The following HYKK variants were observed in gnomAD, a reference collection of about 807,000 sequenced individuals.
HYKK encodes the protein 5-hydroxy-L-lysine kinase.
In HYKK, 19 loss-of-function variants were observed where a neutral mutation model predicts 29.7. The observed-to-expected ratio is 0.64, with a 90% CI of 0.45 to 0.94. The LOEUF (loss-of-function observed/expected upper bound fraction) is 0.94, where lower values mean the gene tolerates loss of function less well. Among genes scored for constraint, HYKK ranks in the 40% least tolerant of loss-of-function variants. The pLI, the probability that HYKK is intolerant of heterozygous loss-of-function variation, is 0.00. For missense variants in HYKK, 390 were observed against 443.4 expected (o/e 0.88, Z 1.08); for synonymous variants, 152 against 158.1 (o/e 0.96, Z 0.29).
At chr15:78,529,276 A>G (rs974662475) in intron 4 of HYKK, among the ~76,000 whole-genome samples, 2 of 152,180 alleles carry the variant, frequency 1.3e-5, no homozygotes, top group Admixed American at 6.5e-5. Context: ...AGAATATTGT[A>G]TTCACTAATA....
At chr15:78,516,459 C>T (rs1480142620) in intron 3 of HYKK, among the ~76,000 whole-genome samples, 1 of 151,518 alleles carries the variant, frequency 6.6e-6, no homozygotes, top group Non-Finnish European at 1.5e-5. Context: ...AATCCTCCCA[C>T]CTCAGCCTCC....
At chr15:78,531,275 G>A (rs1188745928) in intron 4 of HYKK, among the ~76,000 whole-genome samples, 1 of 152,114 alleles carries the variant, frequency 6.6e-6, no homozygotes, top group Non-Finnish European at 1.5e-5. Flanking sequence ...TTATCATGTG[G>A]TATTTGGTAA....
downstream of HYKK, chr15:78,537,271 A>G: frequency 1.6e-6 from 1 of 638,958 alleles, no homozygotes; most frequent in Non-Finnish European, 2.9e-6. Flanking sequence ...TAATACATAA[A>G]TTAAATATTT....
chr15:78,517,941 A>C (rs149525456), intron 3 of HYKK, among the ~76,000 whole-genome samples: 1 of 152,152 alleles, frequency 6.6e-6, no homozygotes, highest in East Asian at 1.9e-4. Context: ...TCACATTTAC[A>C]CATGGGTCAT....
chr15:78,515,370 G>A (rs2052120568), intron 3 of HYKK, among the ~76,000 whole-genome samples: 1 of 152,026 alleles, frequency 6.6e-6, no homozygotes, highest in Non-Finnish European at 1.5e-5. Flanking sequence ...TCTAACTTGA[G>A]ACCAGGAATT....
chr15:78,516,214 T>C (rs993301320), intron 3 of HYKK, among the ~76,000 whole-genome samples: 1 of 152,010 alleles, frequency 6.6e-6, no homozygotes, highest in East Asian at 1.9e-4. Context: ...TTTTATGTTA[T>C]TTAAAAAAAA....
intron 3 of HYKK, among the ~76,000 whole-genome samples, chr15:78,517,624 T>G (rs1190097651): frequency 1.3e-5 from 2 of 152,102 alleles, no homozygotes; most frequent in Non-Finnish European, 2.9e-5. Flanking sequence ...TTTTGAGCAG[T>G]TTGATTAAGG....
chr15:78,517,959 T>C (rs1301282270), intron 3 of HYKK, among the ~76,000 whole-genome samples: 1 of 152,146 alleles, frequency 6.6e-6, no homozygotes, highest in Non-Finnish European at 1.5e-5. Context: ...CATACACCCA[T>C]CTGCTAATTT....
intron 1 of HYKK, among the ~76,000 whole-genome samples, chr15:78,511,700 C>T (rs567638925): frequency 6.9e-4 from 103 of 149,652 alleles, no homozygotes; most frequent in African/African-American, 2.4e-3. Flanking sequence ...CCAGCCTGGG[C>T]GACAGAGCAA....
At chr15:78,520,568 TC>T (rs2052182565) in intron 3 of HYKK, among the ~76,000 whole-genome samples, 1 of 152,078 alleles carries the variant, frequency 6.6e-6, no homozygotes, top group Non-Finnish European at 1.5e-5. Context: ...AGGTCACAGA[TC>T]AACAGGATCC....
Position 78,513,209 on chromosome 15 carries a change from C to T in HYKK, c.121C>T (p.Pro41Ser). The change falls in exon 2 of 5, where the codon CCT (proline) becomes TCT (serine). Residue 41 changes from proline to serine, a missense_variant. By Grantham distance (74) the Pro-to-Ser change is moderately conservative. Transcript: ENST00000388988. ...GLKVSKVRPL[P>S]SYDDQNFHVY... is the part of the protein sequence containing the mutation. ...GAAAGTTTCCAAGGTCCGGCCACTT[C>T]CTAGCTATGATGACCAAAACTTTCA... The T allele has an allele frequency of 6.2e-7, 1 of 1,614,156 alleles. No individual in the cohort carries two copies. Among genetic ancestry groups the T allele is most frequent in the South Asian group, 1.1e-5 (1 of 91,082 alleles).
chr15:78,528,964 A>G (rs80029878), intron 4 of HYKK, among the ~76,000 whole-genome samples: 3,424 of 152,208 alleles, frequency 0.022, 142 homozygotes, highest in African/African-American at 0.078. Context: ...CCCCAGTCTT[A>G]TTCATCTCAT....
chr15:78,522,006 G>A (rs1297024615), intron 3 of HYKK, among the ~76,000 whole-genome samples: 11 of 149,276 alleles, frequency 7.4e-5, no homozygotes, highest in Non-Finnish European at 1.5e-5. Context: ...TTGTAATGAG[G>A]TGAGATCTCA....
Position 78,513,436 on chromosome 15 carries a change from A to T in HYKK, c.337+11A>T. 6.3e-7 allele frequency: 1 copy of T among 1,588,136 alleles called. No individual in the cohort carries two copies. On this transcript the variant is annotated intron_variant, in intron 2 of 4. Coordinates refer to ENST00000388988, the MANE Select transcript of HYKK (RefSeq NM_001013619.4). ...CTCTCGTGTCTGTAGGTAAGAGATG[A>T]CCAATTCGCCGATCCATTACCTATC...
Position 78,515,024 on chromosome 15 carries a change from A to G in HYKK, c.394A>G (p.Arg132Gly). 1.2e-6 allele frequency: 2 copies of G among 1,603,450 alleles called. No homozygotes were observed. Among genetic ancestry groups the G allele is most frequent in the Non-Finnish European group, 1.7e-6 (2 of 1,174,042 alleles). Residue 132 changes from arginine to glycine, a missense_variant, in exon 3 of 5, where the codon AGA becomes GGA. Arg to Gly is a moderately radical substitution (Grantham distance 125). Coordinates refer to ENST00000388988, the MANE Select transcript of HYKK (RefSeq NM_001013619.4). The stretch of plus-strand genomic sequence containing the variant: ...GAGGCTGCTGACTTACCTCCCAGGA[A>G]GACCCATCGCTGAGCTTCCCGTCAG... ...LVRLLTYLPG[R>G]PIAELPVSPQ...
chr15:78,517,430 TTA>T (rs1418892960), intron 3 of HYKK, among the ~76,000 whole-genome samples: 1 of 151,990 alleles, frequency 6.6e-6, no homozygotes, highest in Non-Finnish European at 1.5e-5. Flanking sequence ...AATACAAAAA[TTA>T]GCTGGGCATG....
intron 4 of HYKK, among the ~76,000 whole-genome samples, chr15:78,529,045 T>G (rs1480657072): frequency 6.6e-6 from 1 of 152,204 alleles, no homozygotes; most frequent in Admixed American, 6.5e-5. Context: ...CACTTTGTGC[T>G]TTCTCTCATG....
intron 3 of HYKK, among the ~76,000 whole-genome samples, chr15:78,520,186 C>G (rs1215314183): frequency 6.6e-6 from 1 of 152,212 alleles, no homozygotes; most frequent in Non-Finnish European, 1.5e-5. Flanking sequence ...TCCCCTCACC[C>G]AGTCTCACCC....
At chr15:78,536,985 A>G (rs2052368049), downstream of HYKK, among the ~76,000 whole-genome samples, 1 of 152,168 alleles carries the variant, frequency 6.6e-6, no homozygotes. Context: ...GCAAAACTCC[A>G]GGTTCTTGGC....
Sources: gnomAD v4.1 joint callset for allele counts (sites outside exome capture counted in the v4.1 genomes callset) on GRCh38, gnomAD v4.1.1 for gene constraint, MANE v1.5 for transcripts, NCBI Gene and HGNC (gene_info 2026-07-23, HGNC 2026-07-21) for gene names.